The following NT5E variants were observed in gnomAD, a reference collection of about 807,000 sequenced individuals.
NT5E encodes 5'-nucleotidase ecto.
Under a neutral mutation model 55.1 loss-of-function variants are expected in NT5E, and 53 were observed. The ratio of observed to expected loss-of-function variants is 0.96; its 90% CI spans 0.77 to 1.21. The LOEUF (loss-of-function observed/expected upper bound fraction) is 1.21. NT5E is among the 50% of genes most tolerant of loss of function. The probability of loss-of-function intolerance (pLI) is 0.00; values close to 1 mark genes in which losing one functional copy is unlikely to be tolerated. For missense variants in NT5E, 683 were observed against 724.3 expected, an observed-to-expected ratio of 0.94 and a Z score of 0.65; for synonymous variants, 270 against 278.4, an observed-to-expected ratio of 0.97 and a Z score of 0.30.
intron 1 of NT5E, among the ~76,000 whole-genome samples, chr6:85,460,151 C>T (rs760339259): frequency 3.9e-5 from 6 of 152,168 alleles, no homozygotes; most frequent in Non-Finnish European, 2.9e-5. Flanking sequence ...CTAAATTAAA[C>T]GGGTACTCAC....
intron 3 of NT5E, among the ~76,000 whole-genome samples, chr6:85,472,998 A>G (rs1018654731): frequency 6.6e-6 from 1 of 152,228 alleles, no homozygotes; most frequent in South Asian, 2.1e-4. Flanking sequence ...AAAGATGTAT[A>G]TAAGATGTCA....
chr6:85,491,731 T>A (rs747481725), intron 7 of NT5E, among the ~76,000 whole-genome samples: 26 of 152,380 alleles, frequency 1.7e-4, no homozygotes, highest in Non-Finnish European at 3.4e-4. Context: ...TTTGTCCATG[T>A]AGAGTCACCC....
chr6:85,479,481 A>G (rs1769497958), intron 3 of NT5E, among the ~76,000 whole-genome samples: 1 of 152,132 alleles, frequency 6.6e-6, no homozygotes, highest in East Asian at 1.9e-4. Context: ...TATCTGAAGT[A>G]CTCCACACTA....
At position 85,493,870 on chromosome 6, in the gene NT5E, T is replaced by C; in HGVS notation, c.1591T>C (p.Tyr531His). Residue 531 changes from tyrosine to histidine, a missense_variant, in exon 9 of 9, where the codon TAT (tyrosine) becomes CAT (histidine). Coordinates refer to ENST00000257770, the MANE Select transcript of NT5E (RefSeq NM_002526.4). ...GDQDINVVST[Y>H]ISKMKVIYPA... ...CCAAGATATCAACGTGGTTTCTACA[T>C]ATATCTCCAAAATGAAAGTAATTTA... 1 of 1,614,014 alleles carries C rather than the reference T, an allele frequency of 6.2e-7. No individual in the cohort carries two copies.
intron 7 of NT5E, chr6:85,491,001 T>G (rs750849706): frequency 1.9e-6 from 1 of 514,292 alleles, no homozygotes; most frequent in Non-Finnish European, 3.9e-6. Flanking sequence ...TCCTCTCCTC[T>G]GTTCTACTCA....
At chr6:85,456,541 C>G (rs1768995481) in intron 1 of NT5E, among the ~76,000 whole-genome samples, 1 of 152,078 alleles carries the variant, frequency 6.6e-6, no homozygotes, top group African/African-American at 2.4e-5. Context: ...TGTTGGACAC[C>G]AAGTTGGTGT....
chr6:85,491,330 A>T (rs139448772), intron 7 of NT5E: 2 of 338,952 alleles, frequency 5.9e-6, no homozygotes, highest in East Asian at 1.6e-4. Flanking sequence ...TGGAAATCAT[A>T]ATCTGGCCTC....
rs80224767 is a variant in NT5E at position 85,478,275 on chromosome 6, C to T, written c.751+6850C>T. Among the ~76,000 whole-genome samples the T allele has an allele frequency of 9.0e-3, 1,374 of 152,194 alleles. 20 individuals are homozygous for T. Among genetic ancestry groups the T allele is most frequent in the African/African-American group, 0.03 (1,254 of 41,504 alleles). The stretch of plus-strand genomic sequence containing the variant: ...CTTTCCAAGATGAAGTGAGACTATC[C>T]GAAACCAAAATCTAAAAAGAATGAC... On this transcript the variant is annotated intron_variant, in intron 3 of 8. Transcript: ENST00000257770.
chr6:85,491,902 G>C, intron 7 of NT5E, 75 bp from the exon 8 acceptor site: 1 of 1,363,378 alleles, frequency 7.3e-7, no homozygotes, highest in Non-Finnish European at 1.1e-6. Context: ...CCCAATTGTA[G>C]AGTTTGGCCA....
At chr6:85,472,748 A>T (rs1348606792) in intron 3 of NT5E, among the ~76,000 whole-genome samples, 1 of 152,224 alleles carries the variant, frequency 6.6e-6, no homozygotes, top group Non-Finnish European at 1.5e-5. Flanking sequence ...CACAAACTAA[A>T]GTTGGCCTTC....
At chr6:85,490,898 G>T in intron 7 of NT5E, 1 of 572,204 alleles carries the variant, frequency 1.7e-6, no homozygotes, top group Non-Finnish European at 3.2e-6. Context: ...AGTCTGATTT[G>T]GACATCAGAT....
chr6:85,484,986 C>A (rs1769619690), intron 3 of NT5E, among the ~76,000 whole-genome samples: 1 of 152,178 alleles, frequency 6.6e-6, no homozygotes, highest in Non-Finnish European at 1.5e-5. Flanking sequence ...ACAGCACAAG[C>A]ACAATGCCCG....
chr6:85,473,185 C>G (rs1035338538), intron 3 of NT5E, among the ~76,000 whole-genome samples: 1 of 152,166 alleles, frequency 6.6e-6, no homozygotes, highest in African/African-American at 2.4e-5. Flanking sequence ...CTGGGAAGCA[C>G]TGGGTAGGGG....
chr6:85,490,322 A>AG (rs536636345), intron 6 of NT5E, among the ~76,000 whole-genome samples, 186 bp from the exon 7 acceptor site: 7 of 152,240 alleles, frequency 4.6e-5, no homozygotes, highest in Non-Finnish European at 8.8e-5. Context: ...GGTGGAGTGC[A>AG]GGGCCAGAGG....
intron 1 of NT5E, among the ~76,000 whole-genome samples, chr6:85,458,860 T>A (rs1041364876): frequency 6.6e-5 from 10 of 152,176 alleles, no homozygotes; most frequent in African/African-American, 2.4e-4. Context: ...TACTTGCTCA[T>A]TCATACATTC....
At chr6:85,486,476 T>C (rs903778712) in intron 4 of NT5E, among the ~76,000 whole-genome samples, 1 of 152,074 alleles carries the variant, frequency 6.6e-6, no homozygotes, top group African/African-American at 2.4e-5. Flanking sequence ...CCCTATCTTA[T>C]CCATATGGAC....
Position 85,461,085 on chromosome 6 carries a change from A to G in NT5E, c.340-5975A>G, listed in dbSNP as rs181943200. On this transcript the variant is annotated intron_variant, in intron 1 of 8. Coordinates refer to ENST00000257770, the MANE Select transcript of NT5E (RefSeq NM_002526.4). ...AAATAATATGCATTAGTTGATCCCTATAACCACTTAAAATGTATCTAACAC... is the reference window on the plus strand; with the variant it reads ...AAATAATATGCATTAGTTGATCCCTGTAACCACTTAAAATGTATCTAACAC... Among the ~76,000 whole-genome samples the G allele has an allele frequency of 2.5e-4, 38 of 152,370 alleles. No homozygotes were observed. The East Asian group carries it at 6.7e-3, about 27-fold the overall frequency.
intron 8 of NT5E, 151 bp downstream of exon 8, chr6:85,492,328 G>A: frequency 1.5e-6 from 1 of 671,524 alleles, no homozygotes; most frequent in South Asian, 1.8e-5. Flanking sequence ...CAGCACAGCA[G>A]AGAGGAATAT....
chr6:85,478,052 C>T (rs1352564434), intron 3 of NT5E, among the ~76,000 whole-genome samples: 4 of 150,506 alleles, frequency 2.7e-5, no homozygotes, highest in Non-Finnish European at 4.4e-5. Flanking sequence ...AAGGATTTTG[C>T]TTTCCTGGTC....
Sources: allele counts gnomAD v4.1 joint callset (sites outside exome capture counted in the v4.1 genomes callset), GRCh38; gene constraint gnomAD v4.1.1; transcripts MANE v1.5; gene names NCBI Gene and HGNC (gene_info 2026-07-23, HGNC 2026-07-21).